SPATS2L: variants seen among roughly 807,000 people sequenced by gnomAD.
SPATS2L encodes the protein spermatogenesis associated serine rich 2 like, also known as SPATS2-like protein.
A neutral mutation model predicts 59.6 loss-of-function variants in SPATS2L; 30 were observed. The observed-to-expected ratio is 0.50, with a 90% confidence interval of 0.38 to 0.68. The LOEUF (loss-of-function observed/expected upper bound fraction) is 0.68. Among genes scored for constraint, SPATS2L ranks in the 30% least tolerant of loss-of-function variants. The pLI, the probability that SPATS2L is intolerant of heterozygous loss-of-function variation, is 0.00. For missense variants in SPATS2L, 615 were observed against 700.0 expected, an observed-to-expected ratio of 0.88 and a Z score of 1.37; for synonymous variants, 252 against 263.5, an observed-to-expected ratio of 0.96 and a Z score of 0.42.
chr2:200,378,118 A>G (rs1199692937), intron 2 of SPATS2L: 2 of 488,696 alleles, frequency 4.1e-6, no homozygotes, highest in Non-Finnish European at 5.4e-6. Flanking sequence ...GTCTCTCTGA[A>G]GGTGAGTCTT....
Position 200,439,221 on chromosome 2 carries a change from A to C in SPATS2L, c.545A>C (p.Glu182Ala), listed in dbSNP as rs377194537. The C allele has an allele frequency of 3.1e-6, 5 of 1,613,738 alleles. No individual in the cohort carries two copies. The highest frequency in any genetic ancestry group is 4.2e-6 in the Non-Finnish European group (5 of 1,179,704). Residue 182 changes from glutamate to alanine, a missense_variant, in exon 7 of 13, where the codon GAG (glutamate) becomes GCG (alanine). By Grantham distance (107) the Glu-to-Ala change is moderately radical. Transcript: ENST00000409140. ...TCAGATGGCCTACAGTGGTCAGCTGAGCAGCCTTGTAACCCAAGCAAGCCT... is the reference window on the plus strand; with the variant it reads ...TCAGATGGCCTACAGTGGTCAGCTGCGCAGCCTTGTAACCCAAGCAAGCCT... ...ERSDGLQWSA[E>A]QPCNPSKPKA...
intron 8 of SPATS2L, among the ~76,000 whole-genome samples, chr2:200,445,918 A>G (rs1361635068): frequency 2.0e-5 from 3 of 152,190 alleles, no homozygotes; most frequent in Non-Finnish European, 4.4e-5. Context: ...GATGATGCCT[A>G]TATATTAATA....
At chr2:200,435,207 T>A (rs1318837758) in intron 6 of SPATS2L, among the ~76,000 whole-genome samples, 1 of 152,174 alleles carries the variant, frequency 6.6e-6, no homozygotes, top group Non-Finnish European at 1.5e-5. Context: ...AATCCTTGAA[T>A]CAGAAACCAA....
chr2:200,312,021 A>G (rs1288661375), intron 1 of SPATS2L, among the ~76,000 whole-genome samples: 1 of 152,230 alleles, frequency 6.6e-6, no homozygotes, highest in Non-Finnish European at 1.5e-5. Context: ...AGTTGAACCC[A>G]GCTAGGAGTC....
chr2:200,318,822 CT>C (rs1243257422), intron 1 of SPATS2L, among the ~76,000 whole-genome samples: 3 of 152,206 alleles, frequency 2.0e-5, no homozygotes, highest in Admixed American at 6.5e-5. Context: ...TGCAGGAATT[CT>C]TTCCACATTA....
rs550313794 is a variant in SPATS2L, at chr2:200,409,487, C to T, written c.40-2824C>T. ...GTTCACACAATTTCTCCATCTTTCT[C>T]AAAGACATTTCCATAGGAAAATAAA... On this transcript the variant is annotated intron_variant, in intron 3 of 12. Transcript: ENST00000409140. Among the ~76,000 whole-genome samples the T allele has an allele frequency of 2.0e-5, 3 of 152,188 alleles. No individual in the cohort carries two copies. In the South Asian group the frequency reaches 6.2e-4, roughly 32 times the overall value.
intron 2 of SPATS2L, among the ~76,000 whole-genome samples, chr2:200,385,679 T>C (rs2081967002): frequency 6.6e-6 from 1 of 152,044 alleles, no homozygotes; most frequent in Admixed American, 6.5e-5. Context: ...TTTGACTATC[T>C]AGTCACTTAA....
intron 2 of SPATS2L, chr2:200,372,221 A>C: frequency 1.0e-6 from 1 of 984,558 alleles, no homozygotes; most frequent in Non-Finnish European, 1.2e-6. Flanking sequence ...TTCTGGAGTT[A>C]TAAGGCAGAG....
At position 200,479,575 on chromosome 2, in the gene SPATS2L, C is replaced by A; in HGVS notation, c.*1544C>A. The A allele has an allele frequency of 2.5e-6, 1 of 398,578 alleles. No individual in the cohort carries two copies. Among genetic ancestry groups the A allele is most frequent in the Non-Finnish European group, 4.4e-6 (1 of 226,084 alleles). 24.7% of individuals were successfully genotyped at this position (398,578 alleles called of 1,614,324 possible). On this transcript the variant is annotated 3_prime_UTR_variant, in exon 13 of 13. Transcript: ENST00000409140. ...CTTCTCAGAAAGGGAAAATGGATAC[C>A]CAATGGCCCAAACCCAAAATAGCCC...
intron 8 of SPATS2L, among the ~76,000 whole-genome samples, chr2:200,451,890 CTTGAGACAAAGGGGCATTTTGCT>C (rs1188492555): frequency 6.6e-6 from 1 of 150,580 alleles, no homozygotes; most frequent in Non-Finnish European, 1.5e-5. Flanking sequence ...CTATTTTGTG[CTTGAGACAAAGGGGCATTTTGCT>C]TTATTTTGTT....
chr2:200,382,993 G>A (rs980963452), intron 2 of SPATS2L, among the ~76,000 whole-genome samples: 1 of 152,184 alleles, frequency 6.6e-6, no homozygotes, highest in Non-Finnish European at 1.5e-5. Context: ...CTTTCTTTAT[G>A]TTCCAGGATG....
rs2043769 is a variant in SPATS2L, at chr2:200,480,009, C to T, written c.*1978C>T. On this transcript the variant is annotated 3_prime_UTR_variant, in exon 13 of 13. Transcript: ENST00000409140. ...TTTACCCCATCTGAGGCCCTGAATT[C>T]ATATATTACAAGACGGAAGGATTTT... is the stretch of plus-strand genomic sequence containing the variant. 261,167 of 346,124 alleles carry T rather than the reference C, an allele frequency of 0.75. 100,139 individuals are homozygous for T. Among genetic ancestry groups the T allele is most frequent in the Admixed American group, 0.81 (17,026 of 21,110 alleles). 21.4% of individuals were successfully genotyped at this position (346,124 alleles called of 1,614,324 possible). A position where few individuals can be genotyped will look rare whatever the true frequency, so the allele number is the denominator to read the frequency against.
chr2:200,380,259 A>C (rs1248613256), intron 2 of SPATS2L, among the ~76,000 whole-genome samples: 2 of 152,274 alleles, frequency 1.3e-5, no homozygotes, highest in East Asian at 3.9e-4. Flanking sequence ...CTTTATGCAA[A>C]AATGGTTAAT....
chr2:200,468,974 T>G (rs766951375), intron 10 of SPATS2L, among the ~76,000 whole-genome samples: 15 of 152,278 alleles, frequency 9.9e-5, no homozygotes, highest in Admixed American at 2.0e-4. Flanking sequence ...GGCTTTGGAG[T>G]GAAACAGTCC....
intron 2 of SPATS2L, among the ~76,000 whole-genome samples, chr2:200,359,079 A>G (rs1297969281): frequency 6.6e-6 from 1 of 152,140 alleles, no homozygotes; most frequent in Non-Finnish European, 1.5e-5. Flanking sequence ...GGAAATATCA[A>G]CTCACACTGT....
intron 8 of SPATS2L, among the ~76,000 whole-genome samples, chr2:200,452,183 A>G (rs1369929694): frequency 6.6e-6 from 1 of 152,246 alleles, no homozygotes; most frequent in Non-Finnish European, 1.5e-5. Context: ...TTCCCTGAAT[A>G]GTGACCTCCA....
intron 2 of SPATS2L, among the ~76,000 whole-genome samples, chr2:200,337,257 A>T (rs1229130852): frequency 1.3e-5 from 2 of 152,246 alleles, no homozygotes; most frequent in Non-Finnish European, 2.9e-5. Flanking sequence ...ATCACAGCAT[A>T]CAAAATTTTT....
intron 6 of SPATS2L, among the ~76,000 whole-genome samples, chr2:200,433,517 A>G (rs1559128181): frequency 6.6e-6 from 1 of 152,144 alleles, no homozygotes; most frequent in Non-Finnish European, 1.5e-5. Context: ...ATCTCTGAAC[A>G]TTTAAAAATT....
At chr2:200,449,510 G>C (rs2085297605) in intron 8 of SPATS2L, among the ~76,000 whole-genome samples, 1 of 152,148 alleles carries the variant, frequency 6.6e-6, no homozygotes, top group Non-Finnish European at 1.5e-5. Flanking sequence ...CCTGAAATCG[G>C]AAAAGATTTC....
Sources: gnomAD v4.1 joint callset for allele counts (sites outside exome capture counted in the v4.1 genomes callset) on GRCh38, gnomAD v4.1.1 for gene constraint, MANE v1.5 for transcripts, NCBI Gene and HGNC (gene_info 2026-07-23, HGNC 2026-07-21) for gene names.